Variants in NRG3 observed in about 807,000 individuals in gnomAD.
NRG3 encodes pro-neuregulin-3, membrane-bound isoform.
Under a neutral mutation model 66.9 loss-of-function variants are expected in NRG3, and 31 were observed. The observed-to-expected ratio is 0.46, with a 90% confidence interval of 0.35 to 0.63. The LOEUF (loss-of-function observed/expected upper bound fraction) is 0.63. Among genes scored for constraint, NRG3 ranks in the 20% least tolerant of loss-of-function variants. The probability of loss-of-function intolerance (pLI) is 0.00; values close to 1 mark genes in which losing one functional copy is unlikely to be tolerated. For missense variants in NRG3, 910 were observed against 878.9 expected (o/e 1.04, Z -0.45); for synonymous variants, 393 against 359.4 (o/e 1.09, Z -1.06).
At chr10:82,879,536 G>T (rs1485733370) in intron 4 of NRG3, among the ~76,000 whole-genome samples, 1 of 147,904 alleles carries the variant, frequency 6.8e-6, no homozygotes, top group Admixed American at 6.8e-5. Context: ...GCAGTGGCGC[G>T]ATCTCGGCTC....
intron 3 of NRG3, among the ~76,000 whole-genome samples, chr10:82,776,185 G>C (rs993498911): frequency 2.6e-5 from 4 of 152,202 alleles, no homozygotes; most frequent in East Asian, 3.9e-4. Context: ...TTGAAGAACA[G>C]CTTTATTGGC....
chr10:82,028,403 C>G (rs1274489937), intron 1 of NRG3, among the ~76,000 whole-genome samples: 1 of 152,088 alleles, frequency 6.6e-6, no homozygotes, highest in Non-Finnish European at 1.5e-5. Flanking sequence ...TCAATAGTCT[C>G]ACTCTCATTG....
At chr10:82,568,446 C>G (rs1590704635) in intron 2 of NRG3, among the ~76,000 whole-genome samples, 1 of 151,786 alleles carries the variant, frequency 6.6e-6, no homozygotes, top group Non-Finnish European at 1.5e-5. Flanking sequence ...TTAGTTTATT[C>G]TAGAATGATG....
At chr10:82,628,532 A>T (rs1391439434) in intron 2 of NRG3, among the ~76,000 whole-genome samples, 1 of 151,972 alleles carries the variant, frequency 6.6e-6, no homozygotes, top group Non-Finnish European at 1.5e-5. Context: ...CCAAACCAAG[A>T]TAGGGACTTT....
intron 1 of NRG3, among the ~76,000 whole-genome samples, chr10:82,236,746 C>T (rs1484853988): frequency 7.4e-5 from 9 of 121,680 alleles, no homozygotes; most frequent in South Asian, 5.5e-4. Flanking sequence ...GACAGAGTCT[C>T]GCTCTGTTGC....
At chr10:81,981,552 G>A (rs1408357472) in intron 1 of NRG3, among the ~76,000 whole-genome samples, 1 of 152,098 alleles carries the variant, frequency 6.6e-6, no homozygotes, top group African/African-American at 2.4e-5. Context: ...TGACAGTCCT[G>A]TCTCTATCAT....
chr10:82,924,699 A>G (rs568008369), intron 4 of NRG3, among the ~76,000 whole-genome samples: 3 of 152,148 alleles, frequency 2.0e-5, no homozygotes, highest in South Asian at 4.1e-4. Context: ...ACATATTTCA[A>G]GCTTCTTCAC....
intron 1 of NRG3, among the ~76,000 whole-genome samples, chr10:81,959,130 T>C (rs1190718856): frequency 1.3e-5 from 2 of 152,158 alleles, no homozygotes; most frequent in Non-Finnish European, 2.9e-5. Context: ...TTTATAATCA[T>C]TGGAATATGA....
At chr10:82,314,949 C>T (rs926516437) in intron 1 of NRG3, among the ~76,000 whole-genome samples, 1 of 152,154 alleles carries the variant, frequency 6.6e-6, no homozygotes, top group Non-Finnish European at 1.5e-5. Flanking sequence ...TCTAGGACCT[C>T]ATTTTTTACA....
intron 1 of NRG3, among the ~76,000 whole-genome samples, chr10:82,142,971 A>G (rs1351077033): frequency 7.1e-6 from 1 of 140,314 alleles, no homozygotes; most frequent in Non-Finnish European, 1.5e-5. Context: ...GTCTCACTAT[A>G]TTTCCCAGGC....
chr10:82,654,484 G>C (rs2051688317), intron 2 of NRG3, among the ~76,000 whole-genome samples: 2 of 152,108 alleles, frequency 1.3e-5, no homozygotes, highest in Non-Finnish European at 2.9e-5. Flanking sequence ...ATTACTCCCA[G>C]ACACACAGAA....
chr10:82,122,624 G>A (rs2068165188), intron 1 of NRG3, among the ~76,000 whole-genome samples: 1 of 152,106 alleles, frequency 6.6e-6, no homozygotes, highest in Non-Finnish European at 1.5e-5. Context: ...TTATATTAGT[G>A]TTATTTCTAG....
chr10:82,805,714 A>G (rs1286556346), intron 3 of NRG3, among the ~76,000 whole-genome samples: 3 of 152,160 alleles, frequency 2.0e-5, no homozygotes, highest in Non-Finnish European at 2.9e-5. Context: ...GATGATCTCC[A>G]AGGAGATGTT....
chr10:82,167,622 A>T (rs1353635071), intron 1 of NRG3, among the ~76,000 whole-genome samples: 1 of 152,140 alleles, frequency 6.6e-6, no homozygotes, highest in Admixed American at 6.6e-5. Context: ...TTTCATAATT[A>T]TCTCCTAGCA....
intron 1 of NRG3, among the ~76,000 whole-genome samples, chr10:81,950,084 G>A (rs1417989159): frequency 6.6e-6 from 1 of 152,154 alleles, no homozygotes; most frequent in Admixed American, 6.5e-5. Context: ...GTTCCAATGT[G>A]CCAAGTTCTT....
chr10:82,164,800 G>A (rs1253308590), intron 1 of NRG3, among the ~76,000 whole-genome samples: 1 of 152,168 alleles, frequency 6.6e-6, no homozygotes, highest in Admixed American at 6.5e-5. Flanking sequence ...AAGAGTTCTG[G>A]TTTTGGACAT....
At chr10:82,007,256 T>A (rs1039695009) in intron 1 of NRG3, among the ~76,000 whole-genome samples, 8 of 147,604 alleles carry the variant, frequency 5.4e-5, no homozygotes, top group Non-Finnish European at 1.0e-4. Context: ...GTCGCCCAGG[T>A]TGGAGTGCAG....
intron 2 of NRG3, among the ~76,000 whole-genome samples, chr10:82,648,797 GCT>G (rs1328516943): frequency 1.3e-5 from 2 of 151,988 alleles, no homozygotes; most frequent in Non-Finnish European, 2.9e-5. Flanking sequence ...TCATGATTTG[GCT>G]CTCTGTTTGT....
At chr10:82,015,638 T>G (rs2061754742) in intron 1 of NRG3, among the ~76,000 whole-genome samples, 1 of 152,072 alleles carries the variant, frequency 6.6e-6, no homozygotes, top group Non-Finnish European at 1.5e-5. Flanking sequence ...TCTGCCACCT[T>G]GGAAGAAGGT....
Sources: gnomAD v4.1 joint callset for allele counts (sites outside exome capture counted in the v4.1 genomes callset) on GRCh38, gnomAD v4.1.1 for gene constraint, MANE v1.5 for transcripts, NCBI Gene and HGNC (gene_info 2026-07-23, HGNC 2026-07-21) for gene names.